PRKCQ: variants seen among roughly 807,000 people sequenced by gnomAD.
PRKCQ encodes protein kinase C theta.
Under a neutral mutation model 91.2 loss-of-function variants are expected in PRKCQ, and 41 were observed. That is an observed-to-expected ratio of 0.45 (90% CI 0.35 to 0.58). The LOEUF is 0.58. PRKCQ is among the 20% of genes least tolerant of loss of function. PRKCQ has a pLI of 0.00. For missense variants in PRKCQ, 673 were observed against 896.5 expected, an observed-to-expected ratio of 0.75 and a Z score of 3.18; for synonymous variants, 307 against 316.9, an observed-to-expected ratio of 0.97 and a Z score of 0.33.
chr10:6,413,774 G>T, the PRKCQ span, among the ~76,000 whole-genome samples: 1 of 129,680 alleles, frequency 7.7e-6, no homozygotes, highest in Admixed American at 7.9e-5. Context: ...AATGCCACTT[G>T]TGCACACACA....
At chr10:6,561,901 A>G (rs762770608) in intron 1 of PRKCQ, among the ~76,000 whole-genome samples, 6 of 152,216 alleles carry the variant, frequency 3.9e-5, no homozygotes, top group Non-Finnish European at 7.3e-5. Flanking sequence ...GAAAGCAGGA[A>G]GAAGGGAGGA....
intron 15 of PRKCQ, among the ~76,000 whole-genome samples, chr10:6,448,249 G>A (rs1194545776): frequency 2.0e-5 from 3 of 152,190 alleles, no homozygotes; most frequent in Non-Finnish European, 2.9e-5. Flanking sequence ...GATTGGTCAG[G>A]TGGATGTAGA....
At chr10:6,486,424 C>T (rs554974092) in intron 8 of PRKCQ, among the ~76,000 whole-genome samples, 39 of 152,260 alleles carry the variant, frequency 2.6e-4, no homozygotes, top group African/African-American at 9.1e-4. Flanking sequence ...CCAGAAGATG[C>T]CCACCTGCGT....
At chr10:6,407,685 C>T in the PRKCQ span, among the ~76,000 whole-genome samples, 3 of 151,152 alleles carry the variant, frequency 2.0e-5, no homozygotes, top group Admixed American at 1.3e-4. This position sits in a 1 kb window ranked among gnomAD's most constrained non-coding sequence, Gnocchi z 4.0. Context: ...GTGCATGTGA[C>T]GTGTACATAC....
At chr10:6,486,473 G>A (rs1022782404) in intron 8 of PRKCQ, among the ~76,000 whole-genome samples, 7 of 152,174 alleles carry the variant, frequency 4.6e-5, no homozygotes, top group Admixed American at 6.5e-5. Context: ...ACACCCAGAC[G>A]TTACCACCCT....
the PRKCQ span, among the ~76,000 whole-genome samples, chr10:6,401,785 T>A: frequency 6.6e-6 from 1 of 152,166 alleles, no homozygotes; most frequent in Non-Finnish European, 1.5e-5. Flanking sequence ...AATAAGCAGC[T>A]TTTTTCTTAT....
At chr10:6,428,708 C>G (rs1032136652) in intron 17 of PRKCQ, among the ~76,000 whole-genome samples, 1 of 151,994 alleles carries the variant, frequency 6.6e-6, no homozygotes, top group East Asian at 1.9e-4. Context: ...CTTCAGTTTT[C>G]ATGGAACACA....
intron 1 of PRKCQ, among the ~76,000 whole-genome samples, chr10:6,516,394 A>T (rs1711998256): frequency 6.6e-6 from 1 of 152,202 alleles, no homozygotes; most frequent in Admixed American, 6.5e-5. Context: ...GGTAAACATC[A>T]TGATTTGCTG....
chr10:6,490,922 C>T (rs1388964118), intron 8 of PRKCQ, among the ~76,000 whole-genome samples: 1 of 151,842 alleles, frequency 6.6e-6, no homozygotes, highest in Non-Finnish European at 1.5e-5. Context: ...GTCCTTAATC[C>T]TAGTGTAACA....
downstream of PRKCQ, among the ~76,000 whole-genome samples, chr10:6,424,081 G>A (rs989801233): frequency 1.3e-5 from 2 of 152,110 alleles, no homozygotes; most frequent in African/African-American, 4.8e-5. Context: ...GTCACTCTAG[G>A]GCTTGTCTGT....
At chr10:6,551,981 T>C (rs905671688) in intron 1 of PRKCQ, among the ~76,000 whole-genome samples, 3 of 152,214 alleles carry the variant, frequency 2.0e-5, no homozygotes, top group Admixed American at 6.5e-5. Context: ...TGCCAGCATC[T>C]GTTATTCTTT....
intron 1 of PRKCQ, among the ~76,000 whole-genome samples, chr10:6,548,663 C>A (rs1041456627): frequency 1.4e-5 from 2 of 140,870 alleles, no homozygotes; most frequent in Admixed American, 1.5e-4. Context: ...TGTTCTCACT[C>A]ATAGGTGGGA....
chr10:6,403,738 G>C, the PRKCQ span, among the ~76,000 whole-genome samples: 1 of 152,122 alleles, frequency 6.6e-6, no homozygotes, highest in Non-Finnish European at 1.5e-5. Context: ...AATGGAGACA[G>C]CTAAAGGGTC....
intron 11 of PRKCQ, 74 bp downstream of exon 11, chr10:6,483,366 A>T: frequency 6.3e-7 from 1 of 1,580,376 alleles, no homozygotes; most frequent in African/African-American, 1.4e-5. Flanking sequence ...CTATGAGTTT[A>T]ATTTCTTTGA....
chr10:6,475,041 C>T (rs1315407624), intron 12 of PRKCQ, among the ~76,000 whole-genome samples: 1 of 152,150 alleles, frequency 6.6e-6, no homozygotes, highest in Non-Finnish European at 1.5e-5. Context: ...AAGACAGCAG[C>T]CTCTCAGAAT....
chr10:6,439,790 G>T (rs978788559), intron 16 of PRKCQ, among the ~76,000 whole-genome samples: 24 of 152,118 alleles, frequency 1.6e-4, no homozygotes, highest in African/African-American at 5.8e-4. Flanking sequence ...AAGGCTTCTG[G>T]TCAACAGTAG....
intron 1 of PRKCQ, among the ~76,000 whole-genome samples, chr10:6,534,861 A>C (rs1256137530): frequency 6.0e-5 from 9 of 150,486 alleles, no homozygotes. Flanking sequence ...ATTTGGAGTA[A>C]AATGCTATCT....
At chr10:6,526,473 G>A (rs1468359981) in intron 1 of PRKCQ, among the ~76,000 whole-genome samples, 2 of 152,158 alleles carry the variant, frequency 1.3e-5, no homozygotes, top group African/African-American at 4.8e-5. Flanking sequence ...GAGGAGGGAG[G>A]TGGGGAGTGC....
intron 14 of PRKCQ, among the ~76,000 whole-genome samples, chr10:6,461,873 G>C (rs1299251655): frequency 2.6e-5 from 4 of 152,174 alleles, no homozygotes; most frequent in Admixed American, 2.6e-4. Flanking sequence ...TAAGAGCTTG[G>C]ACAGAAGAAC....
Sources: gnomAD v4.1 joint callset for allele counts (sites outside exome capture counted in the v4.1 genomes callset) on GRCh38, gnomAD v4.1.1 for gene constraint, Gnocchi (gnomAD v3.1) non-coding constraint, MANE v1.5 for transcripts, NCBI Gene and HGNC (gene_info 2026-07-23, HGNC 2026-07-21) for gene names.